The following TAB2 variants were observed in gnomAD, a reference collection of about 807,000 sequenced individuals.
TAB2 encodes the protein TGF-beta activated kinase 1 (MAP3K7) binding protein 2, also known as TGF-beta-activated kinase 1 and MAP3K7-binding protein 2.
Under a neutral mutation model 65.0 loss-of-function variants are expected in TAB2, and 3 were observed. The ratio of observed to expected loss-of-function variants is 0.05; its 90% confidence interval spans 0.02 to 0.12. The LOEUF (loss-of-function observed/expected upper bound fraction) is 0.12. Ranked by LOEUF, TAB2 falls within the 10% of genes least tolerant of loss-of-function variation. The pLI, the probability that TAB2 is intolerant of heterozygous loss-of-function variation, is 1.00. For synonymous variants in TAB2, 298 were observed against 285.1 expected, an observed-to-expected ratio of 1.05 and a Z score of -0.46; for missense variants, 623 against 840.3, an observed-to-expected ratio of 0.74 and a Z score of 3.20.
At chr6:149,363,827 C>T (rs1175986469) in intron 1 of TAB2, among the ~76,000 whole-genome samples, 1 of 152,046 alleles carries the variant, frequency 6.6e-6, no homozygotes, top group East Asian at 1.9e-4. Flanking sequence ...TGTATGATAT[C>T]TCTATTTGGA....
intron 1 of TAB2, among the ~76,000 whole-genome samples, chr6:149,299,506 A>G (rs1473500152): frequency 1.3e-5 from 2 of 152,174 alleles, no homozygotes; most frequent in African/African-American, 4.8e-5. Flanking sequence ...CAGGAGGGGG[A>G]GGCTGCAGTG....
intron 1 of TAB2, among the ~76,000 whole-genome samples, chr6:149,308,711 A>G (rs1258672023): frequency 2.0e-5 from 3 of 152,010 alleles, no homozygotes; most frequent in Non-Finnish European, 2.9e-5. Context: ...TATTTTTAGT[A>G]GAGAGAGGGT....
intron 1 of TAB2, among the ~76,000 whole-genome samples, chr6:149,339,977 TAATG>T (rs200823428): frequency 0.016 from 2,474 of 152,308 alleles, 50 homozygotes; most frequent in South Asian, 0.096. Context: ...TCATAAGTAA[TAATG>T]CTAATTTTTT....
In TAB2 at chr6:149,357,440, C is replaced by A. The variant is rs1197264138; in HGVS notation, c.-89-12469C>A. On this transcript the variant is annotated intron_variant, in intron 1 of 6. Transcript: ENST00000637181. Reference sequence around the variant, plus strand: ...CAAGGAGAAAAAAAAAACACACACACACACACACACACACACACACACACA... The same window carrying A: ...CAAGGAGAAAAAAAAAACACACACAAACACACACACACACACACACACACA... 2.9e-3 allele frequency among the ~76,000 whole-genome samples: 391 copies of A among 135,426 alleles called. 3 individuals carry two copies. The highest frequency in any genetic ancestry group is 9.1e-3 in the African/African-American group (339 of 37,150). The allele number at this position is 135,426 out of a possible 152,430, so 88.8% of individuals were successfully genotyped here. A position where few individuals can be genotyped will look rare whatever the true frequency, so the allele number is the denominator to read the frequency against.
chr6:149,260,622 G>A (rs1179639872), intron 1 of TAB2, among the ~76,000 whole-genome samples: 3 of 152,172 alleles, frequency 2.0e-5, no homozygotes, highest in Non-Finnish European at 4.4e-5. Context: ...TAAAGAGCAC[G>A]GTGGGCATGT....
At chr6:149,382,160 C>T (rs1414891785) in intron 3 of TAB2, among the ~76,000 whole-genome samples, 1 of 152,182 alleles carries the variant, frequency 6.6e-6, no homozygotes, top group Non-Finnish European at 1.5e-5. Context: ...GTGTTCCAGC[C>T]CTCCTGGCCT....
Position 149,378,203 on chromosome 6 carries a change from G to A in TAB2, c.288G>A (p.Arg96=). ...NIYHHGREGS[R]MNGSRTLTHS... is the part of the protein sequence containing the mutation. ...ACCACCATGGAAGAGAAGGAAGTAGGATGAATGGAAGTAGGACTCTAACGC... is the reference window on the plus strand; with the variant it reads ...ACCACCATGGAAGAGAAGGAAGTAGAATGAATGGAAGTAGGACTCTAACGC... The change falls in exon 3 of 7, where the codon AGG becomes AGA. Residue 96 remains arginine, a synonymous_variant. Coordinates refer to ENST00000637181, the MANE Select transcript of TAB2 (RefSeq NM_001292034.3). The A allele has an allele frequency of 1.2e-6, 2 of 1,614,182 alleles. No homozygotes were observed. Among genetic ancestry groups the A allele is most frequent in the Non-Finnish European group, 1.7e-6 (2 of 1,180,044 alleles).
chr6:149,324,512 A>T (rs1779541979), intron 1 of TAB2, among the ~76,000 whole-genome samples: 1 of 152,146 alleles, frequency 6.6e-6, no homozygotes, highest in Admixed American at 6.5e-5. Flanking sequence ...TGTTAGCAAA[A>T]TTGAGCACAT....
At chr6:149,227,691 T>C (rs192213316) in intron 1 of TAB2, among the ~76,000 whole-genome samples, 9 of 152,350 alleles carry the variant, frequency 5.9e-5, no homozygotes, top group Non-Finnish European at 1.0e-4. Flanking sequence ...GGGCAAGATA[T>C]AAGTCATCCT....
At chr6:149,226,048 C>T (rs1003739102) in intron 1 of TAB2, among the ~76,000 whole-genome samples, 2 of 151,990 alleles carry the variant, frequency 1.3e-5, no homozygotes, top group East Asian at 3.9e-4. Flanking sequence ...GATTAAACTG[C>T]CCCAGGACAA....
intron 6 of TAB2, among the ~76,000 whole-genome samples, chr6:149,403,271 TATATATATATATACAC>T (rs1205615116): frequency 0.011 from 1,057 of 95,358 alleles, 48 homozygotes; most frequent in East Asian, 0.041. Context: ...TATATATATA[TATATATATATATACAC>T]ACACACACAT....
At chr6:149,298,381 C>G (rs189005962) in intron 1 of TAB2, among the ~76,000 whole-genome samples, 1 of 152,208 alleles carries the variant, frequency 6.6e-6, no homozygotes, top group Non-Finnish European at 1.5e-5. Context: ...GTAATTCCAG[C>G]ACTTGGGGAA....
At chr6:149,230,055 CAA>C (rs1777369824) in intron 1 of TAB2, 1 of 152,160 alleles carries the variant, frequency 6.6e-6, no homozygotes, top group Non-Finnish European at 1.5e-5. Flanking sequence ...TCAAAAAGCC[CAA>C]GTTTGGCTGA....
At chr6:149,300,593 G>C (rs565721354) in intron 1 of TAB2, among the ~76,000 whole-genome samples, 1 of 152,224 alleles carries the variant, frequency 6.6e-6, no homozygotes, top group East Asian at 1.9e-4. Context: ...GTTAATCCTT[G>C]AGCATAGCTT....
At chr6:149,241,034 T>C (rs1321723579) in intron 1 of TAB2, among the ~76,000 whole-genome samples, 2 of 152,104 alleles carry the variant, frequency 1.3e-5, no homozygotes, top group Admixed American at 1.3e-4. Flanking sequence ...AAGAGCTCTC[T>C]CACTCTTCAC....
In TAB2 at chr6:149,230,661, T is replaced by C. The variant is rs1197481228; in HGVS notation, c.-121+11885T>C. ...TCCAGGTCCTTGATAATAAGCTCAT[T>C]GACAGTTCTAGGCAGTCATAATCCA... is the stretch of plus-strand genomic sequence containing the variant. On this transcript the variant is annotated intron_variant, in intron 1 of 1. Coordinates refer to the TAB2 transcript ENST00000606202. 2.6e-5 allele frequency among the ~76,000 whole-genome samples: 4 copies of C among 152,184 alleles called. No individual in the cohort carries two copies. In the East Asian group the frequency reaches 7.7e-4, roughly 29 times the overall value.
chr6:149,328,181 CAG>C (rs1048532652), intron 1 of TAB2, among the ~76,000 whole-genome samples: 2 of 152,220 alleles, frequency 1.3e-5, no homozygotes, highest in Non-Finnish European at 2.9e-5. Flanking sequence ...ATCGAAAGAA[CAG>C]AAACTCCATA....
intron 1 of TAB2, among the ~76,000 whole-genome samples, chr6:149,334,836 AT>A (rs2114762431): frequency 6.6e-6 from 1 of 152,306 alleles, no homozygotes; most frequent in Non-Finnish European, 1.5e-5. Flanking sequence ...CATTGATTAT[AT>A]GTGGAGAGGA....
chr6:149,370,836 C>T (rs1473018550), intron 2 of TAB2, among the ~76,000 whole-genome samples: 3 of 151,958 alleles, frequency 2.0e-5, no homozygotes, highest in African/African-American at 2.4e-5. Context: ...GAGGTTGAGG[C>T]GGGTGGATTG....
Sources: gnomAD v4.1 joint callset for allele counts (sites outside exome capture counted in the v4.1 genomes callset) on GRCh38, gnomAD v4.1.1 for gene constraint, MANE v1.5 for transcripts, NCBI Gene and HGNC (gene_info 2026-07-23, HGNC 2026-07-21) for gene names.